The following IGSF10 variants were observed in gnomAD, a reference collection of about 807,000 sequenced individuals.
IGSF10 encodes the protein immunoglobulin superfamily member 10, also known as calvaria mechanical force protein 608.
A neutral mutation model predicts 128.2 loss-of-function variants in IGSF10; 126 were observed. The ratio of observed to expected loss-of-function variants is 0.98; its 90% CI spans 0.85 to 1.14. The LOEUF is 1.14. Among genes scored for constraint, IGSF10 ranks in the 50% most tolerant of loss-of-function variants. The pLI, the probability that IGSF10 is intolerant of heterozygous loss-of-function variation, is 0.00. For synonymous variants in IGSF10, 1,185 were observed against 1,146.2 expected (o/e 1.03, Z -0.68); for missense variants, 3,295 against 3,149.8 (o/e 1.05, Z -1.10).
chr3:151,530,523 T>C, the IGSF10 span, among the ~76,000 whole-genome samples: 1 of 152,110 alleles, frequency 6.6e-6, no homozygotes, highest in Non-Finnish European at 1.5e-5. Context: ...GCAGAAACCC[T>C]ACAAGCCAGA....
Position 151,453,629 on chromosome 3 carries a change from AG to A in IGSF10, c.469del (p.Leu157TrpfsTer20), listed in dbSNP as rs758492438. The part of the protein sequence containing the change: ...EVFYGLNFLR[L>X]VHLEGNQLTK... Reference sequence around the variant, plus strand: ...GAGCTGATTTCCTTCCAAGTGCACCAGGCGGAGAAAGTTGAGCCCATAAAAA... The same window carrying A: ...GAGCTGATTTCCTTCCAAGTGCACCAGCGGAGAAAGTTGAGCCCATAAAAA... On this transcript the variant is annotated frameshift_variant, in exon 5 of 8. Coordinates refer to ENST00000282466, the MANE Select transcript of IGSF10 (RefSeq NM_178822.5). LOFTEE classifies it high-confidence loss of function. 54 of 1,614,104 alleles carry A rather than the reference AG, an allele frequency of 3.3e-5. No homozygotes were observed. The highest frequency in any genetic ancestry group is 4.4e-5 in the Non-Finnish European group (52 of 1,179,940).
Position 151,447,481 on chromosome 3 carries a change from T to G in IGSF10, c.2500A>C (p.Thr834Pro). 4 of 1,614,204 alleles carry G rather than the reference T, an allele frequency of 2.5e-6. No homozygotes were observed. The highest frequency in any genetic ancestry group is 3.4e-6 in the Non-Finnish European group (4 of 1,180,004). The part of the protein sequence containing the change: ...DSRTISDSPM[T>P]NINYGTEFSP... ...AATTCTGTGCCATAATTTATGTTTG[T>G]CATAGGACTATCAGATATTGTTCTG... The change falls in exon 6 of 8, where the codon ACA becomes CCA. Residue 834 changes from threonine (T) to proline (P), a missense_variant. Transcript: ENST00000282466.
chr3:151,456,712 A>C (rs1401876459), intron 4 of IGSF10, among the ~76,000 whole-genome samples: 1 of 152,188 alleles, frequency 6.6e-6, no homozygotes, highest in East Asian at 1.9e-4. Flanking sequence ...ACTTTTAGGA[A>C]CCACATTCAA....
At chr3:151,609,405 G>T in the IGSF10 span, among the ~76,000 whole-genome samples, 2 of 152,094 alleles carry the variant, frequency 1.3e-5, no homozygotes, top group Admixed American at 1.3e-4. Context: ...CTTTTAAAAA[G>T]AACACTCTGA....
chr3:151,597,930 A>C, the IGSF10 span, among the ~76,000 whole-genome samples: 2 of 149,082 alleles, frequency 1.3e-5, no homozygotes, highest in African/African-American at 4.9e-5. Context: ...AAAAAAAAAA[A>C]CACAACAACA....
chr3:151,556,826 C>T, the IGSF10 span, among the ~76,000 whole-genome samples: 1 of 152,084 alleles, frequency 6.6e-6, no homozygotes, highest in Non-Finnish European at 1.5e-5. Flanking sequence ...TGTTTTATTG[C>T]TTAATGCCTT....
At chr3:151,492,318 C>T in the IGSF10 span, among the ~76,000 whole-genome samples, 2 of 152,090 alleles carry the variant, frequency 1.3e-5, no homozygotes, top group African/African-American at 4.8e-5. Context: ...TCATCTCACA[C>T]CCATTAGGAT....
chr3:151,468,116 G>A, the IGSF10 span, among the ~76,000 whole-genome samples: 3 of 152,176 alleles, frequency 2.0e-5, no homozygotes, highest in Non-Finnish European at 2.9e-5. Flanking sequence ...GACTGAAATA[G>A]CATTAACTGC....
At chr3:151,615,964 GTTT>G in the IGSF10 span, among the ~76,000 whole-genome samples, 1 of 132,352 alleles carries the variant, frequency 7.6e-6, no homozygotes, top group Non-Finnish European at 1.6e-5. Context: ...GTTTTTTGAG[GTTT>G]TTTTTTTTTT....
the IGSF10 span, among the ~76,000 whole-genome samples, chr3:151,537,220 A>G: frequency 3.9e-5 from 6 of 152,174 alleles, no homozygotes; most frequent in African/African-American, 1.4e-4. Context: ...TGGCTAGAGC[A>G]GGAGTGTAGG....
chr3:151,608,577 T>C, the IGSF10 span, among the ~76,000 whole-genome samples: 1 of 152,346 alleles, frequency 6.6e-6, no homozygotes, highest in Non-Finnish European at 1.5e-5. Flanking sequence ...TCTTTCACTT[T>C]TGGTATCCCC....
In IGSF10 at chr3:151,437,367, A is replaced by AATG. The variant is rs754391210; in HGVS notation, c.7191_7193dup (p.Ile2398dup). Reference sequence around the variant, plus strand: ...CTGCATCCTCCCGAGTTGTTTTAGAAATGATAAAAGAACCATTGCTTGCTA... The same window carrying AATG: ...CTGCATCCTCCCGAGTTGTTTTAGAAATGATGATAAAAGAACCATTGCTTGCTA... On this transcript the variant is annotated inframe_insertion, in exon 8 of 8. Transcript: ENST00000282466. 5.0e-6 allele frequency: 8 copies of AATG among 1,614,218 alleles called. No individual in the cohort carries two copies. The Admixed American group carries it at 5.0e-5, about 10-fold the overall frequency.
chr3:151,445,107 G>C lies in IGSF10; in HGVS notation c.4874C>G (p.Pro1625Arg). The part of the protein sequence containing the change: ...NTKKSDFDKK[P>R]VQEATTSKLL... ...TTTGGAAGTTGTTGCTTCTTGAACT[G>C]GTTTCTTATCAAAGTCACTCTTCTT... is the stretch of plus-strand genomic sequence containing the variant. Residue 1625 changes from proline (P) to arginine (R), a missense_variant, in exon 6 of 8, where the codon CCA becomes CGA. Pro to Arg is a moderately radical substitution (Grantham distance 103). Transcript: ENST00000282466. The C allele has an allele frequency of 6.2e-7, 1 of 1,614,092 alleles. No individual in the cohort carries two copies.
the IGSF10 span, among the ~76,000 whole-genome samples, chr3:151,547,429 T>TATAC: frequency 2.7e-5 from 4 of 146,872 alleles, no homozygotes; most frequent in South Asian, 2.2e-4. Flanking sequence ...AATATATATA[T>TATAC]ACACACACAC....
At chr3:151,559,792 G>A in the IGSF10 span, among the ~76,000 whole-genome samples, 500 of 152,224 alleles carry the variant, frequency 3.3e-3, 17 homozygotes, top group East Asian at 0.079. Flanking sequence ...GAATAGGTTC[G>A]ATGAATTGTT....
upstream of IGSF10, among the ~76,000 whole-genome samples, chr3:151,465,986 C>G (rs1347529716): frequency 1.3e-5 from 2 of 152,218 alleles, no homozygotes; most frequent in African/African-American, 4.8e-5. Flanking sequence ...ACCAATCCAG[C>G]TGTTTCTGTA....
chr3:151,554,145 C>T, the IGSF10 span, among the ~76,000 whole-genome samples: 1 of 151,640 alleles, frequency 6.6e-6, no homozygotes, highest in African/African-American at 2.4e-5. Flanking sequence ...CACACACACA[C>T]ACACACACAC....
At chr3:151,473,572 G>C in the IGSF10 span, among the ~76,000 whole-genome samples, 4 of 152,128 alleles carry the variant, frequency 2.6e-5, no homozygotes, top group African/African-American at 9.7e-5. Flanking sequence ...AAACCCAGTA[G>C]GGTCTCCTTT....
At chr3:151,524,636 G>C in the IGSF10 span, among the ~76,000 whole-genome samples, 52 of 152,150 alleles carry the variant, frequency 3.4e-4, 1 homozygote, top group Admixed American at 2.3e-3. Flanking sequence ...TGAGTGTGGA[G>C]GGTGGAAGGA....
Sources: gnomAD v4.1 joint callset for allele counts (sites outside exome capture counted in the v4.1 genomes callset) on GRCh38, gnomAD v4.1.1 for gene constraint, MANE v1.5 for transcripts, NCBI Gene and HGNC (gene_info 2026-07-23, HGNC 2026-07-21) for gene names.